Variants in ADD2 observed in about 807,000 individuals in gnomAD.
The protein encoded by ADD2 is beta-adducin.
A neutral mutation model predicts 83.0 loss-of-function variants in ADD2; 23 were observed. That is an observed-to-expected ratio of 0.28 (90% confidence interval 0.20 to 0.39). ADD2 has a LOEUF of 0.39. Among genes scored for constraint, ADD2 ranks in the 10% least tolerant of loss-of-function variants. The pLI is 1.00. For synonymous variants in ADD2, 375 were observed against 375.4 expected, an observed-to-expected ratio of 1.00 and a Z score of 0.01; for missense variants, 758 against 944.9, an observed-to-expected ratio of 0.80 and a Z score of 2.59.
chr2:70,712,098 C>T (rs1553375557), intron 2 of ADD2, among the ~76,000 whole-genome samples: 1 of 152,086 alleles, frequency 6.6e-6, no homozygotes, highest in African/African-American at 2.4e-5. Flanking sequence ...TGTATTTTCG[C>T]CCCCAGGACC....
intron 6 of ADD2, among the ~76,000 whole-genome samples, chr2:70,692,969 G>A (rs1671127136): frequency 1.3e-5 from 2 of 152,186 alleles, no homozygotes; most frequent in South Asian, 4.1e-4. Flanking sequence ...AGAGACAGGG[G>A]GAGTCTTTCA....
At chr2:70,722,265 T>A (rs1033034516) in intron 1 of ADD2, among the ~76,000 whole-genome samples, 3 of 152,088 alleles carry the variant, frequency 2.0e-5, no homozygotes, top group Non-Finnish European at 4.4e-5. Flanking sequence ...TTCTAAGATA[T>A]CTCTGATTGA....
At chr2:70,747,443 C>T (rs568040221) in intron 1 of ADD2, among the ~76,000 whole-genome samples, 1 of 149,052 alleles carries the variant, frequency 6.7e-6, no homozygotes, top group Admixed American at 6.7e-5. Flanking sequence ...GCCATGTGCT[C>T]TCCCATCATG....
rs1672228666 is a variant in ADD2, at chr2:70,712,408, C to A, written c.-35+658G>T. On this transcript the variant is annotated intron_variant, in intron 2 of 15. Transcript: ENST00000264436. ...GCAGTGAGCTGAGATCACACCACTG[C>A]ACTCCAGCCTGGGTGAAAGAGGGAG... Among the ~76,000 whole-genome samples the A allele has an allele frequency of 2.0e-5, 3 of 146,846 alleles. No individual in the cohort carries two copies. The South Asian group carries it at 6.5e-4, about 32-fold the overall frequency.
At chr2:70,743,802 T>A (rs1024803687) in intron 1 of ADD2, among the ~76,000 whole-genome samples, 2 of 152,130 alleles carry the variant, frequency 1.3e-5, no homozygotes, top group Admixed American at 1.3e-4. Context: ...CTGTGGTAGA[T>A]CAGAGCATAC....
intron 4 of ADD2, 58 bp downstream of exon 4, chr2:70,704,263 T>TTGGGG: frequency 3.3e-6 from 3 of 913,236 alleles, no homozygotes; most frequent in Non-Finnish European, 3.4e-6. Flanking sequence ...CTCCCTCTCT[T>TTGGGG]CCCCACCCCA....
At chr2:70,700,127 G>A (rs1671515613) in intron 4 of ADD2, among the ~76,000 whole-genome samples, 1 of 152,042 alleles carries the variant, frequency 6.6e-6, no homozygotes, top group African/African-American at 2.4e-5. Flanking sequence ...ATCAAATTAA[G>A]ACAAAAATAT....
At chr2:70,709,395 G>A (rs1672062478) in intron 2 of ADD2, among the ~76,000 whole-genome samples, 1 of 152,046 alleles carries the variant, frequency 6.6e-6, no homozygotes. Context: ...GAATGGTTGT[G>A]GTCATACTTG....
At chr2:70,670,861 G>A (rs1553366945) in intron 15 of ADD2, among the ~76,000 whole-genome samples, 1 of 152,182 alleles carries the variant, frequency 6.6e-6, no homozygotes, top group Non-Finnish European at 1.5e-5. Flanking sequence ...ATGCTCCCTA[G>A]CTCTGTCTGT....
At position 70,674,642 on chromosome 2, in the gene ADD2, GA is replaced by G. The variant is rs782217270; in HGVS notation, c.1741+35del. 1.3e-5 allele frequency: 21 copies of G among 1,596,480 alleles called. No individual in the cohort carries two copies. In the East Asian group the frequency reaches 4.7e-4, roughly 36 times the overall value. On this transcript the variant is annotated intron_variant, in intron 14 of 15. Coordinates refer to ENST00000264436, the MANE Select transcript of ADD2 (RefSeq NM_001617.4). ...CTGAGCTCTCCCCTCCACCCTGGGG[GA>G]CTTGGAAGCAAGGGTGTGCCTCAGG...
intron 1 of ADD2, among the ~76,000 whole-genome samples, chr2:70,755,016 C>T (rs570438055): frequency 1.4e-4 from 21 of 152,314 alleles, no homozygotes; most frequent in Admixed American, 1.1e-3. Context: ...ACTGTTTCTA[C>T]CTCACAGAGT....
intron 1 of ADD2, among the ~76,000 whole-genome samples, chr2:70,766,260 A>G (rs1427594662): frequency 2.0e-5 from 3 of 152,220 alleles, no homozygotes; most frequent in East Asian, 1.9e-4. Context: ...TTGACATCAT[A>G]CCAATAATGA....
chr2:70,746,985 A>T (rs554773128), intron 1 of ADD2, among the ~76,000 whole-genome samples: 7 of 151,356 alleles, frequency 4.6e-5, no homozygotes, highest in Non-Finnish European at 1.0e-4. Context: ...CCTGCACTCC[A>T]GGAGCTAACA....
intron 2 of ADD2, among the ~76,000 whole-genome samples, chr2:70,710,889 C>T (rs1476477268): frequency 6.6e-6 from 1 of 152,210 alleles, no homozygotes; most frequent in Non-Finnish European, 1.5e-5. Context: ...TTACTCTTAT[C>T]ATGTGTGATT....
At chr2:70,761,241 T>A (rs1675071375) in intron 1 of ADD2, among the ~76,000 whole-genome samples, 1 of 151,136 alleles carries the variant, frequency 6.6e-6, no homozygotes, top group Non-Finnish European at 1.5e-5. Context: ...TTTTTTTTTT[T>A]AAAGACAATA....
At chr2:70,727,509 G>A (rs1157212411) in intron 1 of ADD2, among the ~76,000 whole-genome samples, 1 of 152,124 alleles carries the variant, frequency 6.6e-6, no homozygotes, top group Non-Finnish European at 1.5e-5. Flanking sequence ...ACTCCTGTAT[G>A]AGTATTTCCG....
chr2:70,725,962 C>T (rs938085537), intron 1 of ADD2, among the ~76,000 whole-genome samples: 16 of 151,938 alleles, frequency 1.1e-4, no homozygotes, highest in African/African-American at 3.4e-4. Flanking sequence ...CCAAGGCGGG[C>T]GGATCACGAG....
At chr2:70,713,882 G>T (rs1672331009) in intron 1 of ADD2, among the ~76,000 whole-genome samples, 1 of 152,038 alleles carries the variant, frequency 6.6e-6, no homozygotes, top group African/African-American at 2.4e-5. Flanking sequence ...TAATGTGAGT[G>T]ATGTTTGGAT....
intron 9 of ADD2, among the ~76,000 whole-genome samples, chr2:70,686,298 A>T (rs1268471172): frequency 6.6e-6 from 1 of 152,116 alleles, no homozygotes; most frequent in African/African-American, 2.4e-5. Flanking sequence ...GGGGGAAAAA[A>T]AGGTCACTGG....
Sources: allele counts gnomAD v4.1 joint callset (sites outside exome capture counted in the v4.1 genomes callset), GRCh38; gene constraint gnomAD v4.1.1; transcripts MANE v1.5; gene names NCBI Gene and HGNC (gene_info 2026-07-23, HGNC 2026-07-21).